Variants in KLHL1 observed in about 807,000 individuals in gnomAD.
The protein encoded by KLHL1 is kelch like family member 1.
In KLHL1, 47 loss-of-function variants were observed where a neutral mutation model predicts 77.7. The observed-to-expected ratio is 0.60, with a 90% CI of 0.48 to 0.77. The LOEUF is 0.77. KLHL1 is among the 30% of genes least tolerant of loss of function. The pLI is 0.00. For synonymous variants in KLHL1, 360 were observed against 325.2 expected, an observed-to-expected ratio of 1.11 and a Z score of -1.15; for missense variants, 925 against 910.8, an observed-to-expected ratio of 1.02 and a Z score of -0.20.
intron 1 of KLHL1, among the ~76,000 whole-genome samples, chr13:70,035,982 T>A (rs1019644075): frequency 6.6e-6 from 1 of 152,052 alleles, no homozygotes; most frequent in African/African-American, 2.4e-5. Context: ...TATTTAATAA[T>A]GTTTACTTTA....
At chr13:70,089,028 T>TAGTA (rs1329867793) in intron 1 of KLHL1, among the ~76,000 whole-genome samples, 1 of 152,152 alleles carries the variant, frequency 6.6e-6, no homozygotes, top group African/African-American at 2.4e-5. Context: ...GCAGTAATCA[T>TAGTA]GTGAGTTTAC....
At chr13:69,738,053 C>T (rs931489724) in intron 8 of KLHL1, among the ~76,000 whole-genome samples, 3 of 152,154 alleles carry the variant, frequency 2.0e-5, no homozygotes, top group Non-Finnish European at 2.9e-5. Flanking sequence ...GCCATCTTTG[C>T]TAGTCTGCCG....
At chr13:69,707,147 G>A (rs770014118) in intron 10 of KLHL1, among the ~76,000 whole-genome samples, 31 of 151,902 alleles carry the variant, frequency 2.0e-4, no homozygotes, top group Admixed American at 1.2e-3. Context: ...TATGGCTGTG[G>A]GGATTACTAC....
chr13:70,029,177 G>A (rs1454626071), intron 1 of KLHL1, among the ~76,000 whole-genome samples: 1 of 152,058 alleles, frequency 6.6e-6, no homozygotes, highest in Non-Finnish European at 1.5e-5. Flanking sequence ...AAAACAAAGT[G>A]GAGACTATTG....
chr13:69,906,456 C>T (rs946556721), intron 4 of KLHL1, among the ~76,000 whole-genome samples: 1 of 151,898 alleles, frequency 6.6e-6, no homozygotes, highest in African/African-American at 2.4e-5. Context: ...GAAAACAGAG[C>T]TAGAACATAC....
At chr13:69,813,655 C>A (rs1338683745) in intron 6 of KLHL1, among the ~76,000 whole-genome samples, 2 of 151,730 alleles carry the variant, frequency 1.3e-5, no homozygotes, top group Non-Finnish European at 2.9e-5. Flanking sequence ...TTTACAATAT[C>A]CACAAAAAAA....
intron 1 of KLHL1, among the ~76,000 whole-genome samples, chr13:70,095,339 T>C (rs537679458): frequency 6.6e-6 from 1 of 152,292 alleles, no homozygotes; most frequent in South Asian, 2.1e-4. Flanking sequence ...TCCTTAGGAC[T>C]ATCAGGAATT....
chr13:69,802,414 G>T (rs550569198), intron 6 of KLHL1, among the ~76,000 whole-genome samples: 1 of 152,164 alleles, frequency 6.6e-6, no homozygotes, highest in South Asian at 2.1e-4. Flanking sequence ...GATTCTCAAA[G>T]TATGGGGGAT....
intron 1 of KLHL1, among the ~76,000 whole-genome samples, chr13:70,105,500 A>T (rs1888030966): frequency 6.6e-6 from 1 of 151,508 alleles, no homozygotes; most frequent in Non-Finnish European, 1.5e-5. Flanking sequence ...ATTGACAAAC[A>T]CACATAATGT....
Position 70,082,311 on chromosome 13 carries a change from TCACACACACACACACACACACACA to T in KLHL1, c.497+24868_497+24891del, listed in dbSNP as rs4053611. Among the ~76,000 whole-genome samples, 251 of 111,022 alleles carry T rather than the reference TCACACACACACACACACACACACA, an allele frequency of 2.3e-3. 2 individuals are homozygous for T. Among genetic ancestry groups the T allele is most frequent in the African/African-American group, 7.5e-3 (213 of 28,456 alleles). The allele number at this position is 111,022 out of a possible 152,430, so 72.8% of individuals were successfully genotyped here. A position where few individuals can be genotyped will look rare whatever the true frequency, so the allele number is the denominator to read the frequency against. Reference sequence around the variant, plus strand: ...CAGGAGCCCTTCCTCCTTGGACCTGTCACACACACACACACACACACACACACACACACACACACACACACACAC... The same window carrying T: ...CAGGAGCCCTTCCTCCTTGGACCTGTCACACACACACACACACACACACAC... On this transcript the variant is annotated intron_variant, in intron 1 of 10. Coordinates refer to ENST00000377844, the MANE Select transcript of KLHL1 (RefSeq NM_020866.3).
intron 4 of KLHL1, among the ~76,000 whole-genome samples, chr13:69,914,869 A>C (rs1882368095): frequency 6.6e-6 from 1 of 152,190 alleles, no homozygotes; most frequent in African/African-American, 2.4e-5. Flanking sequence ...AAAAGATGTA[A>C]ACAAATGTTC....
chr13:70,011,992 G>A (rs1338319067), intron 1 of KLHL1, among the ~76,000 whole-genome samples: 2 of 152,106 alleles, frequency 1.3e-5, no homozygotes. Context: ...AAGAGAGAGA[G>A]CTTAATAATA....
At chr13:69,705,798 A>C (rs1875598134) in intron 10 of KLHL1, among the ~76,000 whole-genome samples, 1 of 151,802 alleles carries the variant, frequency 6.6e-6, no homozygotes, top group Admixed American at 6.6e-5. Context: ...AATAAAATAC[A>C]GATGAAGGAA....
At chr13:69,907,452 T>C (rs552176889) in intron 4 of KLHL1, among the ~76,000 whole-genome samples, 18 of 152,124 alleles carry the variant, frequency 1.2e-4, no homozygotes, top group Middle Eastern at 3.4e-3. Flanking sequence ...AATTTATATA[T>C]TACTTATAAT....
At chr13:69,940,739 T>C (rs1177544961) in intron 3 of KLHL1, among the ~76,000 whole-genome samples, 1 of 151,260 alleles carries the variant, frequency 6.6e-6, no homozygotes, top group African/African-American at 2.4e-5. Context: ...TAATTTTGGT[T>C]TTTAGTTTTT....
intron 1 of KLHL1, among the ~76,000 whole-genome samples, chr13:70,055,405 C>T (rs1886721484): frequency 6.6e-6 from 1 of 151,956 alleles, no homozygotes; most frequent in African/African-American, 2.4e-5. Context: ...AACTGTCCTA[C>T]AAGAAATGCT....
intron 1 of KLHL1, among the ~76,000 whole-genome samples, chr13:70,017,258 T>C (rs1885680796): frequency 6.6e-6 from 1 of 152,170 alleles, no homozygotes; most frequent in South Asian, 2.1e-4. Context: ...CTGAGGCCCT[T>C]TGGGAAGCCC....
At chr13:70,086,245 C>G (rs1887533802) in intron 1 of KLHL1, among the ~76,000 whole-genome samples, 1 of 151,118 alleles carries the variant, frequency 6.6e-6, no homozygotes, top group African/African-American at 2.4e-5. Flanking sequence ...AAGTTCGTAT[C>G]TCAGCCCCAG....
intron 7 of KLHL1, among the ~76,000 whole-genome samples, chr13:69,742,827 T>C (rs1874041246): frequency 6.6e-6 from 1 of 152,206 alleles, no homozygotes; most frequent in African/African-American, 2.4e-5. Context: ...CAAATCTTGT[T>C]CTTTCATTAG....
Sources: allele counts gnomAD v4.1 joint callset (sites outside exome capture counted in the v4.1 genomes callset), GRCh38; gene constraint gnomAD v4.1.1; transcripts MANE v1.5; gene names NCBI Gene and HGNC (gene_info 2026-07-23, HGNC 2026-07-21).